SORCS1: variants seen among roughly 807,000 people sequenced by gnomAD.
SORCS1 encodes the protein sortilin related VPS10 domain containing receptor 1.
SORCS1 carries 60 observed loss-of-function variants against 146.1 expected under a neutral mutation model. The ratio of observed to expected loss-of-function variants is 0.41; its 90% CI spans 0.33 to 0.51. The LOEUF (loss-of-function observed/expected upper bound fraction) is 0.51. Ranked by LOEUF, SORCS1 falls within the 20% of genes least tolerant of loss-of-function variation. The pLI, the probability that SORCS1 is intolerant of heterozygous loss-of-function variation, is 0.21. For synonymous variants in SORCS1, 637 were observed against 584.0 expected (o/e 1.09, Z -1.31); for missense variants, 1,352 against 1,487.6 (o/e 0.91, Z 1.50).
At chr10:106,866,870 C>T (rs1950238347) in intron 2 of SORCS1, among the ~76,000 whole-genome samples, 1 of 152,224 alleles carries the variant, frequency 6.6e-6, no homozygotes, top group South Asian at 2.1e-4. Context: ...CTACACTGCA[C>T]TTAAAGGAAC....
chr10:106,602,490 T>C (rs1259035267), intron 23 of SORCS1, among the ~76,000 whole-genome samples: 6 of 147,740 alleles, frequency 4.1e-5, no homozygotes, highest in Non-Finnish European at 7.4e-5. Context: ...TAATTAACAG[T>C]AGCTCAATTT....
chr10:107,177,801 C>G, the SORCS1 span, among the ~76,000 whole-genome samples: 1 of 152,194 alleles, frequency 6.6e-6, no homozygotes, highest in East Asian at 1.9e-4. Context: ...TACATATACA[C>G]TGTGGAATAC....
intron 15 of SORCS1, 85 bp from the exon 16 acceptor site, chr10:106,671,452 T>C: frequency 6.4e-7 from 1 of 1,567,848 alleles, no homozygotes; most frequent in Non-Finnish European, 8.7e-7. Context: ...GGGAGACATT[T>C]GCACATCTTA....
At chr10:106,596,161 C>T (rs538004540) in intron 24 of SORCS1, among the ~76,000 whole-genome samples, 98 of 152,234 alleles carry the variant, frequency 6.4e-4, no homozygotes, top group African/African-American at 1.4e-3. Context: ...AAATATGTTA[C>T]GTAGTCTCTC....
At chr10:107,045,858 A>G (rs532419750) in intron 1 of SORCS1, among the ~76,000 whole-genome samples, 1 of 148,852 alleles carries the variant, frequency 6.7e-6, no homozygotes, top group South Asian at 2.1e-4. Context: ...ACAACAGTGT[A>G]CTACAACTTT....
intron 6 of SORCS1, among the ~76,000 whole-genome samples, chr10:106,721,769 C>T (rs1220955928): frequency 2.0e-5 from 3 of 152,126 alleles, no homozygotes; most frequent in East Asian, 1.9e-4. Flanking sequence ...TTGCTGCTTA[C>T]GCGAGCTTGA....
intron 1 of SORCS1, among the ~76,000 whole-genome samples, chr10:107,002,198 T>A (rs1957250547): frequency 6.6e-6 from 1 of 152,248 alleles, no homozygotes. Flanking sequence ...TACTTTGTGG[T>A]TTTGAATATA....
At chr10:107,058,203 A>C (rs1468408935) in intron 1 of SORCS1, among the ~76,000 whole-genome samples, 1 of 151,754 alleles carries the variant, frequency 6.6e-6, no homozygotes, top group African/African-American at 2.4e-5. Flanking sequence ...CACCATGCCC[A>C]GCTAATTTTT....
At chr10:106,674,328 C>CATAAAAAAAAA (rs1851854216) in intron 14 of SORCS1, among the ~76,000 whole-genome samples, 1 of 27,374 alleles carries the variant, frequency 3.7e-5, no homozygotes, top group Non-Finnish European at 5.4e-5. Flanking sequence ...GACTCCGTCT[C>CATAAAAAAAAA]AAAAAAAAAA....
intron 5 of SORCS1, among the ~76,000 whole-genome samples, chr10:106,735,999 A>C (rs1856919764): frequency 6.6e-6 from 1 of 152,188 alleles, no homozygotes; most frequent in Admixed American, 6.5e-5. Context: ...TTTAAGAGCT[A>C]TTTTGAAATA....
chr10:106,886,181 G>C (rs1015460159), intron 2 of SORCS1, among the ~76,000 whole-genome samples: 1 of 152,114 alleles, frequency 6.6e-6, no homozygotes, highest in African/African-American at 2.4e-5. Flanking sequence ...AGAAGCACTT[G>C]AACCCAGGAG....
chr10:106,743,850 A>G (rs186814106), intron 5 of SORCS1, among the ~76,000 whole-genome samples: 1 of 152,172 alleles, frequency 6.6e-6, no homozygotes, highest in Non-Finnish European at 1.5e-5. Flanking sequence ...AGGAAACTAA[A>G]ACATTCTTAC....
At chr10:106,884,616 G>T (rs540898065) in intron 2 of SORCS1, among the ~76,000 whole-genome samples, 33 of 152,162 alleles carry the variant, frequency 2.2e-4, no homozygotes, top group Admixed American at 1.9e-3. Flanking sequence ...TCTAACATTT[G>T]TCAGTTAAAG....
intron 1 of SORCS1, among the ~76,000 whole-genome samples, chr10:107,106,261 C>T (rs1045804102): frequency 6.6e-6 from 1 of 152,162 alleles, no homozygotes; most frequent in Non-Finnish European, 1.5e-5. Context: ...AAGCAAGATG[C>T]TTTTCCCCAA....
At chr10:106,587,689 C>T (rs1845323761) in intron 24 of SORCS1, among the ~76,000 whole-genome samples, 1 of 152,182 alleles carries the variant, frequency 6.6e-6, no homozygotes, top group Non-Finnish European at 1.5e-5. Flanking sequence ...CAGTCAGCAG[C>T]AGCCATAGAG....
chr10:106,952,722 T>C (rs1043706960), intron 2 of SORCS1, among the ~76,000 whole-genome samples: 3 of 151,658 alleles, frequency 2.0e-5, no homozygotes, highest in Non-Finnish European at 4.4e-5. Context: ...ATGCTTGTAA[T>C]CCTGAGAGTT....
chr10:106,577,227 A>G lies in SORCS1; in HGVS notation c.*193T>C, dbSNP rs1844621821. The G allele has an allele frequency of 6.3e-7, 1 of 1,586,364 alleles. No individual in the cohort carries two copies. Among genetic ancestry groups the G allele is most frequent in the African/African-American group, 1.3e-5 (1 of 74,248 alleles). On this transcript the variant is annotated 3_prime_UTR_variant, in exon 26 of 26. Coordinates refer to ENST00000263054, the MANE Select transcript of SORCS1 (RefSeq NM_052918.5). ...TTTTACTGGCGTCCTCCATTCAAACATTTACATAGGTAGGGATTTCTTTTG... is the reference window on the plus strand; with the variant it reads ...TTTTACTGGCGTCCTCCATTCAAACGTTTACATAGGTAGGGATTTCTTTTG...
At chr10:106,711,273 G>C (rs1401281772) in intron 6 of SORCS1, among the ~76,000 whole-genome samples, 2 of 152,144 alleles carry the variant, frequency 1.3e-5, no homozygotes, top group African/African-American at 4.8e-5. Flanking sequence ...TAATGAGTAG[G>C]TGGGTTTGAT....
chr10:107,178,892 C>T, the SORCS1 span, among the ~76,000 whole-genome samples: 1 of 152,130 alleles, frequency 6.6e-6, no homozygotes, highest in Non-Finnish European at 1.5e-5. Context: ...GATTCCTCAT[C>T]TCAGCTATCA....
Sources: allele counts gnomAD v4.1 joint callset (sites outside exome capture counted in the v4.1 genomes callset), GRCh38; gene constraint gnomAD v4.1.1; transcripts MANE v1.5; gene names NCBI Gene and HGNC (gene_info 2026-07-23, HGNC 2026-07-21).